The following NALCN variants were observed in gnomAD, a reference collection of about 807,000 sequenced individuals.
The protein encoded by NALCN is sodium leak channel NALCN.
In NALCN, 111 loss-of-function variants were observed where a neutral mutation model predicts 225.3. The ratio of observed to expected loss-of-function variants is 0.49; its 90% CI spans 0.42 to 0.58. The LOEUF (loss-of-function observed/expected upper bound fraction) is 0.58, where lower values mean the gene tolerates loss of function less well. NALCN is among the 20% of genes least tolerant of loss of function. The pLI, the probability that NALCN is intolerant of heterozygous loss-of-function variation, is 0.00. For synonymous variants in NALCN, 764 were observed against 769.0 expected (o/e 0.99, Z 0.11); for missense variants, 1,378 against 2,202.4 (o/e 0.63, Z 7.49).
At chr13:101,294,864 T>A (rs2043684642) in intron 7 of NALCN, among the ~76,000 whole-genome samples, 1 of 152,222 alleles carries the variant, frequency 6.6e-6, no homozygotes, top group Non-Finnish European at 1.5e-5. Flanking sequence ...AGTCTTTCCA[T>A]AACCTATGAT....
At chr13:101,414,485 C>T (rs1008182763) in intron 1 of NALCN, among the ~76,000 whole-genome samples, 3 of 151,968 alleles carry the variant, frequency 2.0e-5, no homozygotes. Context: ...TGAACATCAT[C>T]GATAAATGAT....
Position 101,124,554 on chromosome 13 carries a change from G to A in NALCN, c.2192+54C>T, listed in dbSNP as rs549420754. ...TTCATTTTTCAAAAAGCTATTTTTC[G>A]ATTAATATAATCCCACTTGTGTTTA... On this transcript the variant is annotated intron_variant, in intron 18 of 43. Transcript: ENST00000251127. 107 of 1,462,706 alleles carry A rather than the reference G, an allele frequency of 7.3e-5. 2 individuals carry two copies. The South Asian group carries it at 8.1e-4, about 11-fold the overall frequency. The allele number at this position is 1,462,706 out of a possible 1,614,324, so 90.6% of individuals were successfully genotyped here.
At chr13:101,319,192 G>A (rs2044659449) in intron 7 of NALCN, among the ~76,000 whole-genome samples, 1 of 152,170 alleles carries the variant, frequency 6.6e-6, no homozygotes, top group Non-Finnish European at 1.5e-5. Flanking sequence ...GATATAGAAA[G>A]TGCTCAGAAA....
In NALCN at chr13:101,104,809, AAG is replaced by A. The variant is rs2035012747; in HGVS notation, c.2636+83_2636+84del. 6.4e-7 allele frequency: 1 copy of A among 1,566,872 alleles called. No homozygotes were observed. Among genetic ancestry groups the A allele is most frequent in the Admixed American group, 1.7e-5 (1 of 57,974 alleles). ...ATAGCACTATATAGCAAGAAAATAA[AAG>A]AGAATTTTAATCGTTGTATGCAGCA... On this transcript the variant is annotated intron_variant, in intron 23 of 43. Coordinates refer to ENST00000251127, the MANE Select transcript of NALCN (RefSeq NM_052867.4). The surrounding 1 kb of genome is among the most constrained non-coding windows in gnomAD (Gnocchi z 4.2).
chr13:101,416,807 G>A (rs1028948804), upstream of NALCN, among the ~76,000 whole-genome samples: 4 of 151,790 alleles, frequency 2.6e-5, no homozygotes, highest in African/African-American at 4.8e-5. Flanking sequence ...GCGGCGGTGT[G>A]CACGGGAGTC....
chr13:101,261,116 A>C (rs1259852537), intron 10 of NALCN, among the ~76,000 whole-genome samples: 15 of 152,174 alleles, frequency 9.9e-5, no homozygotes, highest in Admixed American at 7.9e-4. Context: ...TTATTGAAGG[A>C]ACTCTCTTTT....
chr13:101,128,359 T>C (rs969412580), intron 17 of NALCN, among the ~76,000 whole-genome samples: 2 of 152,236 alleles, frequency 1.3e-5, no homozygotes, highest in Admixed American at 1.3e-4. Flanking sequence ...TTACATACTT[T>C]AACACATAAT....
At chr13:101,105,040 A>C (rs1253526576) in intron 22 of NALCN, 90 bp from the exon 23 acceptor site, 8 of 1,147,190 alleles carry the variant, frequency 7.0e-6, no homozygotes, top group Non-Finnish European at 9.1e-6. Context: ...TCATCTACCT[A>C]AAATCTCTTT....
At chr13:101,203,787 C>T (rs1467818806) in intron 13 of NALCN, among the ~76,000 whole-genome samples, 1 of 151,976 alleles carries the variant, frequency 6.6e-6, no homozygotes, top group Non-Finnish European at 1.5e-5. Context: ...GTTTTTTTTA[C>T]AATATACTTT....
intron 13 of NALCN, among the ~76,000 whole-genome samples, chr13:101,209,885 C>A (rs1487892091): frequency 1.3e-5 from 2 of 152,188 alleles, no homozygotes; most frequent in Non-Finnish European, 2.9e-5. Context: ...TTATTGCCAA[C>A]TTTGCAGAGT....
At chr13:101,132,372 A>T (rs1295221187) in intron 17 of NALCN, among the ~76,000 whole-genome samples, 2 of 152,104 alleles carry the variant, frequency 1.3e-5, no homozygotes, top group African/African-American at 2.4e-5. Flanking sequence ...TTTCTAGGAC[A>T]CTGATGTGTA....
chr13:101,348,555 A>G lies in NALCN; in HGVS notation c.645-3135T>C, dbSNP rs189028979. Among the ~76,000 whole-genome samples, 296 of 152,318 alleles carry G rather than the reference A, an allele frequency of 1.9e-3. 1 individual carries two copies. Among genetic ancestry groups the G allele is most frequent in the Non-Finnish European group, 3.8e-3 (260 of 68,018 alleles). ...TTAAATTAGATAATGTGCAACACTC[A>G]GAATGGTGCCAAAAATAAGTTAATC... On this transcript the variant is annotated intron_variant, in intron 6 of 43. Coordinates refer to ENST00000251127, the MANE Select transcript of NALCN (RefSeq NM_052867.4).
chr13:101,106,614 T>G (rs543435795), intron 22 of NALCN, among the ~76,000 whole-genome samples: 57 of 152,260 alleles, frequency 3.7e-4, no homozygotes, highest in Middle Eastern at 6.8e-3. Context: ...CAGAGATAAT[T>G]GAATCATGGG....
intron 13 of NALCN, among the ~76,000 whole-genome samples, chr13:101,211,733 T>C (rs965215189): frequency 2.6e-5 from 4 of 151,662 alleles, no homozygotes; most frequent in African/African-American, 4.8e-5. Flanking sequence ...TGCTCAACCA[T>C]GGATAACAAT....
chr13:101,235,132 AAC>A (rs1047541452), intron 12 of NALCN, among the ~76,000 whole-genome samples: 3 of 151,934 alleles, frequency 2.0e-5, no homozygotes, highest in African/African-American at 4.8e-5. Flanking sequence ...GTTTAAATAA[AAC>A]AGTCATATTT....
At chr13:101,263,188 A>T (rs1037801343) in intron 10 of NALCN, among the ~76,000 whole-genome samples, 4 of 152,202 alleles carry the variant, frequency 2.6e-5, no homozygotes, top group Non-Finnish European at 5.9e-5. Flanking sequence ...CTATTGATGC[A>T]TATCCGTTTC....
At chr13:101,279,823 T>G (rs1157203704) in intron 10 of NALCN, among the ~76,000 whole-genome samples, 3 of 100,908 alleles carry the variant, frequency 3.0e-5, no homozygotes, top group Non-Finnish European at 6.6e-5. Flanking sequence ...TCTCAAAAAA[T>G]AAATAAATAA....
At chr13:101,395,876 T>A (rs1451274117) in intron 2 of NALCN, among the ~76,000 whole-genome samples, 1 of 152,204 alleles carries the variant, frequency 6.6e-6, no homozygotes, top group African/African-American at 2.4e-5. Context: ...TCATAGTAGT[T>A]AAGAAATGCT....
At chr13:101,396,640 A>C (rs555776384) in intron 2 of NALCN, among the ~76,000 whole-genome samples, 1 of 152,208 alleles carries the variant, frequency 6.6e-6, no homozygotes, top group Non-Finnish European at 1.5e-5. Flanking sequence ...TTTACTTTAA[A>C]GGTTGATGTA....
Sources: gnomAD v4.1 joint callset for allele counts (sites outside exome capture counted in the v4.1 genomes callset) on GRCh38, gnomAD v4.1.1 for gene constraint, Gnocchi (gnomAD v3.1) non-coding constraint, MANE v1.5 for transcripts, NCBI Gene and HGNC (gene_info 2026-07-23, HGNC 2026-07-21) for gene names.